Variants in MND1 observed in about 807,000 individuals in gnomAD.
The protein encoded by MND1 is meiotic nuclear division protein 1 homolog.
In MND1, 28 loss-of-function variants were observed where a neutral mutation model predicts 35.1. That is an observed-to-expected ratio of 0.80 (90% CI 0.59 to 1.09). The LOEUF (loss-of-function observed/expected upper bound fraction) is 1.09. MND1 is among the 50% of genes least tolerant of loss of function. The pLI, the probability that MND1 is intolerant of heterozygous loss-of-function variation, is 0.00. For missense variants in MND1, 213 were observed against 239.6 expected, an observed-to-expected ratio of 0.89 and a Z score of 0.73; for synonymous variants, 69 against 70.5, an observed-to-expected ratio of 0.98 and a Z score of 0.11.
intron 4 of MND1, among the ~76,000 whole-genome samples, chr4:153,370,566 C>A (rs1025749524): frequency 2.0e-5 from 3 of 152,060 alleles, no homozygotes; most frequent in African/African-American, 7.2e-5. Flanking sequence ...GTCATCCAGG[C>A]TGGAGTGCAG....
intron 4 of MND1, among the ~76,000 whole-genome samples, chr4:153,359,499 C>G (rs1047448195): frequency 3.3e-5 from 5 of 152,344 alleles, no homozygotes; most frequent in African/African-American, 1.2e-4. Flanking sequence ...CATAAGCATT[C>G]ATGTGTAGGT....
At chr4:153,393,214 A>C (rs779616694) in intron 4 of MND1, among the ~76,000 whole-genome samples, 1 of 152,192 alleles carries the variant, frequency 6.6e-6, no homozygotes, top group African/African-American at 2.4e-5. Context: ...TAACTATGCA[A>C]TTCTTTGTAA....
At chr4:153,384,389 C>G (rs1306938126) in intron 4 of MND1, among the ~76,000 whole-genome samples, 1 of 147,388 alleles carries the variant, frequency 6.8e-6, no homozygotes, top group Non-Finnish European at 1.5e-5. Context: ...CATTCCTCAC[C>G]CTCTTGAGTA....
chr4:153,410,580 G>T (rs1194860968), intron 7 of MND1, among the ~76,000 whole-genome samples: 1 of 151,970 alleles, frequency 6.6e-6, no homozygotes. Flanking sequence ...AATATAATTG[G>T]CCTTTAGTTT....
intron 4 of MND1, among the ~76,000 whole-genome samples, chr4:153,364,176 G>A (rs1471405039): frequency 2.0e-5 from 3 of 152,160 alleles, no homozygotes; most frequent in East Asian, 1.9e-4. Context: ...TGGTGCAGCT[G>A]CTGTGGAAAA....
chr4:153,369,215 G>A (rs1299247586), intron 4 of MND1, among the ~76,000 whole-genome samples: 1 of 152,208 alleles, frequency 6.6e-6, no homozygotes, highest in Admixed American at 6.5e-5. Context: ...CTCACAGTAT[G>A]GCAGCTGGCT....
chr4:153,368,337 T>C (rs1773707515), intron 4 of MND1, among the ~76,000 whole-genome samples: 1 of 152,176 alleles, frequency 6.6e-6, no homozygotes, highest in African/African-American at 2.4e-5. Flanking sequence ...ACAAGTAAAA[T>C]ATATTGCTTT....
At chr4:153,355,621 T>A in intron 2 of MND1, 33 bp from the exon 3 acceptor site, 1 of 1,370,876 alleles carries the variant, frequency 7.3e-7, no homozygotes, top group Non-Finnish European at 1.0e-6. Context: ...AATAAACACG[T>A]GCTTTTCATT....
At chr4:153,403,298 A>G (rs752945381) in intron 6 of MND1, among the ~76,000 whole-genome samples, 2 of 152,230 alleles carry the variant, frequency 1.3e-5, no homozygotes, top group Non-Finnish European at 2.9e-5. Context: ...TGTGCAAGCA[A>G]GAAGCAAAGA....
intron 1 of MND1, among the ~76,000 whole-genome samples, chr4:153,349,075 G>A (rs1263712243): frequency 6.8e-6 from 1 of 147,826 alleles, no homozygotes; most frequent in Non-Finnish European, 1.5e-5. Flanking sequence ...TTAGAGAACT[G>A]GAGGTGATAG....
chr4:153,361,405 C>CTT (rs1773487048), intron 4 of MND1: 7 of 453,974 alleles, frequency 1.5e-5, no homozygotes, highest in South Asian at 9.4e-5. Flanking sequence ...AGTAATCTCT[C>CTT]TTCTGTTTGC....
At chr4:153,373,815 A>G (rs534977730) in intron 4 of MND1, among the ~76,000 whole-genome samples, 2 of 152,256 alleles carry the variant, frequency 1.3e-5, no homozygotes, top group South Asian at 2.1e-4. Flanking sequence ...ATAGATAACT[A>G]TTTTTTTAAC....
At chr4:153,407,658 T>C (rs1275898920) in intron 6 of MND1, among the ~76,000 whole-genome samples, 1 of 152,122 alleles carries the variant, frequency 6.6e-6, no homozygotes, top group Non-Finnish European at 1.5e-5. Context: ...GTCCATCAGC[T>C]GATGAATGGA....
intron 6 of MND1, among the ~76,000 whole-genome samples, chr4:153,398,164 T>A (rs1447324755): frequency 1.3e-5 from 2 of 152,202 alleles, no homozygotes; most frequent in Admixed American, 1.3e-4. Context: ...ATGTTTATAT[T>A]TTTTTAAAGA....
At chr4:153,354,652 A>G (rs905451955) in intron 2 of MND1, among the ~76,000 whole-genome samples, 2 of 152,076 alleles carry the variant, frequency 1.3e-5, no homozygotes, top group African/African-American at 4.8e-5. Context: ...ACAGGCACGC[A>G]CTACCACACC....
chr4:153,381,667 A>ATATAT (rs1554011382), intron 4 of MND1: 4 of 25,460 alleles, frequency 1.6e-4, no homozygotes, highest in Non-Finnish European at 2.6e-4. Context: ...TATATAATAT[A>ATATAT]ATATATATAT....
chr4:153,369,957 A>C (rs1773749990), intron 4 of MND1, among the ~76,000 whole-genome samples: 1 of 152,038 alleles, frequency 6.6e-6, no homozygotes, highest in South Asian at 2.1e-4. Flanking sequence ...ATTCCATCTC[A>C]AGAAACCACT....
intron 4 of MND1, among the ~76,000 whole-genome samples, chr4:153,385,715 C>CAAAAAAA (rs60037291): frequency 2.4e-5 from 2 of 83,642 alleles, no homozygotes; most frequent in Non-Finnish European, 2.5e-5. Flanking sequence ...GACCCTGTCT[C>CAAAAAAA]AAAAAAAAAA....
intron 4 of MND1, among the ~76,000 whole-genome samples, chr4:153,364,048 A>T (rs1773563471): frequency 6.6e-6 from 1 of 151,768 alleles, no homozygotes. Flanking sequence ...AGCCTGGGCA[A>T]CACAGCAAGA....
Sources: gnomAD v4.1 joint callset for allele counts (sites outside exome capture counted in the v4.1 genomes callset) on GRCh38, gnomAD v4.1.1 for gene constraint, MANE v1.5 for transcripts, NCBI Gene and HGNC (gene_info 2026-07-23, HGNC 2026-07-21) for gene names.